Variants in ABLIM2 observed in about 807,000 individuals in gnomAD.
ABLIM2 encodes actin-binding LIM protein 2.
Under a neutral mutation model 97.7 loss-of-function variants are expected in ABLIM2, and 53 were observed. That is an observed-to-expected ratio of 0.54 (90% CI 0.44 to 0.68). The LOEUF (loss-of-function observed/expected upper bound fraction) is 0.68. Among genes scored for constraint, ABLIM2 ranks in the 30% least tolerant of loss-of-function variants. The pLI is 0.00. For missense variants in ABLIM2, 835 were observed against 867.2 expected (o/e 0.96, Z 0.47); for synonymous variants, 361 against 345.8 (o/e 1.04, Z -0.49).
In ABLIM2 at chr4:8,043,072, GC is replaced by G. The variant is rs1789795113; in HGVS notation, c.900+2091del. ...ATGCTGAGGTGGGAGGATCGCCTGAGCCCGGGGAGGTTGAGGCTGCCATGAG... is the reference window on the plus strand; with the variant it reads ...ATGCTGAGGTGGGAGGATCGCCTGAGCCGGGGAGGTTGAGGCTGCCATGAG... On this transcript the variant is annotated intron_variant, in intron 9 of 20. Transcript: ENST00000447017. This position sits in a 1 kb window ranked among gnomAD's most constrained non-coding sequence, Gnocchi z 4.8. Among the ~76,000 whole-genome samples, 1 of 151,640 alleles carries G rather than the reference GC, an allele frequency of 6.6e-6. No homozygotes were observed. Among genetic ancestry groups the G allele is most frequent in the African/African-American group, 2.4e-5 (1 of 41,268 alleles).
intron 12 of ABLIM2, among the ~76,000 whole-genome samples, chr4:8,025,985 A>G (rs1310087133): frequency 2.6e-5 from 4 of 152,098 alleles, no homozygotes; most frequent in African/African-American, 9.7e-5. Flanking sequence ...TGTTCTGGGG[A>G]GGGGCCCTTT....
intron 12 of ABLIM2, chr4:8,020,546 T>C: frequency 8.2e-6 from 5 of 612,796 alleles, no homozygotes; most frequent in Non-Finnish European, 1.5e-5. Context: ...GGAGCGACAT[T>C]GCTGAGGGCA....
In ABLIM2 at chr4:7,966,951, C is replaced by T. The variant is rs748804470; in HGVS notation, c.*39G>A. ...GGTTCTCGCCAGGGGCCCCTGGCCT[C>T]GGCGCCCGGCACACACCAGTGGGGC... On this transcript the variant is annotated 3_prime_UTR_variant, in exon 21 of 21. Coordinates refer to ENST00000447017, the MANE Select transcript of ABLIM2 (RefSeq NM_001130083.2). 3.7e-5 allele frequency: 57 copies of T among 1,547,580 alleles called. No homozygotes were observed. The highest frequency in any genetic ancestry group is 1.8e-4 in the Middle Eastern group (1 of 5,488).
In ABLIM2 at chr4:8,072,139, CT is replaced by C; in HGVS notation, c.675+5488del. The stretch of plus-strand genomic sequence containing the variant: ...AAGCATTAATCTTCCCCAGGAGGCC[CT>C]TTCTCCTCCACAGCAGAGGAGGAGG... On this transcript the variant is annotated intron_variant, in intron 6 of 20. Transcript: ENST00000447017. This position sits in a 1 kb window ranked among gnomAD's most constrained non-coding sequence, Gnocchi z 5.8. 1.2e-6 allele frequency: 1 copy of C among 868,208 alleles called. No homozygotes were observed. Among genetic ancestry groups the C allele is most frequent in the Non-Finnish European group, 1.4e-6 (1 of 722,972 alleles). The allele number at this position is 868,208 out of a possible 1,614,324, so 53.8% of individuals were successfully genotyped here.
In ABLIM2 at chr4:8,023,720, T is replaced by C. The variant is rs1472106501; in HGVS notation, c.1268-3417A>G. 6.6e-6 allele frequency among the ~76,000 whole-genome samples: 1 copy of C among 152,250 alleles called. No individual in the cohort carries two copies. The highest frequency in any genetic ancestry group is 2.4e-5 in the African/African-American group (1 of 41,468). On this transcript the variant is annotated intron_variant, in intron 12 of 20. Coordinates refer to ENST00000447017, the MANE Select transcript of ABLIM2 (RefSeq NM_001130083.2). The surrounding 1 kb of genome is among the most constrained non-coding windows in gnomAD (Gnocchi z 5.7). ...AGGACGAGGCATCTACTCCCGTTAT[T>C]TGGAATTCCTCTGTGTGGGAGATCT...
Position 8,032,825 on chromosome 4 carries a change from G to A in ABLIM2, c.1048-3049C>T. ...AGACAGGAAAAGAACTCTACCCCGA[G>A]AGACACAAGTCAGGGTTCCAGAACC... On this transcript the variant is annotated intron_variant, in intron 10 of 20. Transcript: ENST00000447017. This position sits in a 1 kb window ranked among gnomAD's most constrained non-coding sequence, Gnocchi z 4.3. 1 of 809,726 alleles carries A rather than the reference G, an allele frequency of 1.2e-6. No individual in the cohort carries two copies. The highest frequency in any genetic ancestry group is 2.0e-6 in the Non-Finnish European group (1 of 490,362). 50.2% of individuals were successfully genotyped at this position (809,726 alleles called of 1,614,324 possible).
At chr4:7,983,903 T>C (rs895557224) in intron 18 of ABLIM2, among the ~76,000 whole-genome samples, 3 of 152,252 alleles carry the variant, frequency 2.0e-5, no homozygotes, top group Non-Finnish European at 4.4e-5. Flanking sequence ...ACAGCGGGCA[T>C]TTCAGGGGAA....
chr4:8,112,433 C>G lies in ABLIM2; in HGVS notation c.11-5796G>C, dbSNP rs1840798933. Among the ~76,000 whole-genome samples the G allele has an allele frequency of 6.6e-6, 1 of 152,218 alleles. No individual in the cohort carries two copies. The highest frequency in any genetic ancestry group is 6.5e-5 in the Admixed American group (1 of 15,284). ...AATGTCCATTGAAGTAGAGAAAGCTCCACGTGCAAGGTCTGACAGGTGGCC... is the reference window on the plus strand; with the variant it reads ...AATGTCCATTGAAGTAGAGAAAGCTGCACGTGCAAGGTCTGACAGGTGGCC... On this transcript the variant is annotated intron_variant, in intron 1 of 20. Transcript: ENST00000447017. The surrounding 1 kb of genome is among the most constrained non-coding windows in gnomAD (Gnocchi z 4.2).
In ABLIM2 at chr4:8,020,434, G is replaced by C. The variant is rs182529214; in HGVS notation, c.1268-131C>G. On this transcript the variant is annotated intron_variant, in intron 12 of 20. Coordinates refer to ENST00000447017, the MANE Select transcript of ABLIM2 (RefSeq NM_001130083.2). ...TCTGGTGGAGCAGCCCAGATCCCCT[G>C]CCCAGGGGAAGGAGTGTGGGCCTCA... The C allele has an allele frequency of 4.7e-5, 39 of 827,684 alleles. No homozygotes were observed. The African/African-American group carries it at 6.0e-4, about 13-fold the overall frequency. The allele number at this position is 827,684 out of a possible 1,614,324, so 51.3% of individuals were successfully genotyped here.
intron 8 of ABLIM2, among the ~76,000 whole-genome samples, chr4:8,052,086 ACAC>A (rs1796407377): frequency 6.6e-6 from 1 of 152,136 alleles, no homozygotes; most frequent in Admixed American, 6.5e-5. Flanking sequence ...CTTTAAGACT[ACAC>A]CACGTGTGTC....
At chr4:8,088,507 T>C (rs1825300801) in intron 3 of ABLIM2, among the ~76,000 whole-genome samples, 2 of 152,204 alleles carry the variant, frequency 1.3e-5, no homozygotes, top group Admixed American at 1.3e-4. Context: ...TCCTCATCTG[T>C]ACCAACAGGC....
rs1004833509 is a variant in ABLIM2 at position 8,015,320 on chromosome 4, C to T, written c.1423+4298G>A. Among the ~76,000 whole-genome samples the T allele has an allele frequency of 1.3e-5, 2 of 151,986 alleles. No individual in the cohort carries two copies. Among genetic ancestry groups the T allele is most frequent in the Non-Finnish European group, 2.9e-5 (2 of 67,998 alleles). The stretch of plus-strand genomic sequence containing the variant: ...TCACACAGACAGTTCCTTCAGAGCC[C>T]CAAAATGCGTCGGCCATGAGGAACC... On this transcript the variant is annotated intron_variant, in intron 14 of 20. Transcript: ENST00000447017. The surrounding 1 kb of genome is among the most constrained non-coding windows in gnomAD (Gnocchi z 4.6).
chr4:8,117,705 A>C (rs1183935357), intron 1 of ABLIM2, among the ~76,000 whole-genome samples: 2 of 151,958 alleles, frequency 1.3e-5, no homozygotes, highest in African/African-American at 2.4e-5. Flanking sequence ...CCTAGGCTCG[A>C]CCGAGAAGAC....
chr4:7,966,184 C>T lies in ABLIM2; in HGVS notation c.*806G>A, dbSNP rs1477822017. 6.6e-6 allele frequency: 1 copy of T among 152,590 alleles called. No individual in the cohort carries two copies. Among genetic ancestry groups the T allele is most frequent in the Non-Finnish European group, 1.5e-5 (1 of 68,072 alleles). The allele number at this position is 152,590 out of a possible 1,614,324, so 9.5% of individuals were successfully genotyped here. ...CTGTGTATGAGGACCACACCAAGAA[C>T]AGACTGAAACCACACAGATCCGAGC... On this transcript the variant is annotated 3_prime_UTR_variant, in exon 21 of 21. Transcript: ENST00000447017.
intron 1 of ABLIM2, among the ~76,000 whole-genome samples, chr4:8,156,498 G>C (rs562352444): frequency 7.1e-6 from 1 of 140,360 alleles, no homozygotes; most frequent in African/African-American, 2.6e-5. Context: ...TAAGGCAACT[G>C]CATGGCCTCG....
rs1160811144 is a variant in ABLIM2, at chr4:8,148,646, C to T, written c.10+10034G>A. Among the ~76,000 whole-genome samples, 3 of 152,104 alleles carry T rather than the reference C, an allele frequency of 2.0e-5. No homozygotes were observed. Among genetic ancestry groups the T allele is most frequent in the African/African-American group, 4.8e-5 (2 of 41,406 alleles). On this transcript the variant is annotated intron_variant, in intron 1 of 20. Transcript: ENST00000447017. This position sits in a 1 kb window ranked among gnomAD's most constrained non-coding sequence, Gnocchi z 6.7. ...TGGGGAAGCGCGTAAGCCGTTCCCC[C>T]GTGGGCATGCACAGCAGAGTCCTGC...
At chr4:8,101,669 C>A (rs1446401045) in intron 2 of ABLIM2, among the ~76,000 whole-genome samples, 6 of 152,174 alleles carry the variant, frequency 3.9e-5, no homozygotes, top group Non-Finnish European at 7.3e-5. Context: ...TGTGGACTTG[C>A]TCAGTTCCAC....
At chr4:7,991,612 TGGA>T (rs1433131903) in intron 17 of ABLIM2, among the ~76,000 whole-genome samples, 1 of 152,118 alleles carries the variant, frequency 6.6e-6, no homozygotes, top group Non-Finnish European at 1.5e-5. Flanking sequence ...AGATGAAAAA[TGGA>T]GAATTCCCTT....
intron 14 of ABLIM2, among the ~76,000 whole-genome samples, chr4:8,016,043 ATTT>A (rs4006048): frequency 9.0e-6 from 1 of 111,122 alleles, no homozygotes. Flanking sequence ...TTGTTGTTGT[ATTT>A]TTTTTTTTTT....
Sources: allele counts gnomAD v4.1 joint callset (sites outside exome capture counted in the v4.1 genomes callset), GRCh38; gene constraint gnomAD v4.1.1; non-coding constraint Gnocchi (gnomAD v3.1); transcripts MANE v1.5; gene names NCBI Gene and HGNC (gene_info 2026-07-23, HGNC 2026-07-21).